Variants in MECOM observed in about 807,000 individuals in gnomAD.
MECOM encodes MDS1 and EVI1 complex locus.
In MECOM, 13 loss-of-function variants were observed where a neutral mutation model predicts 116.3. That is an observed-to-expected ratio of 0.11 (90% CI 0.07 to 0.18). MECOM has a LOEUF of 0.18. Among genes scored for constraint, MECOM ranks in the 10% least tolerant of loss-of-function variants. MECOM has a pLI of 1.00. For synonymous variants in MECOM, 528 were observed against 535.2 expected (o/e 0.99, Z 0.19); for missense variants, 1,299 against 1,509.0 (o/e 0.86, Z 2.31).
intron 2 of MECOM, among the ~76,000 whole-genome samples, chr3:169,303,731 C>G (rs1241499495): frequency 6.6e-6 from 1 of 152,168 alleles, no homozygotes; most frequent in Admixed American, 6.5e-5. Flanking sequence ...ACCATAAATC[C>G]AGTGAATTGG....
intron 1 of MECOM, among the ~76,000 whole-genome samples, chr3:169,593,230 G>A (rs1316126765): frequency 3.3e-5 from 5 of 152,262 alleles, no homozygotes; most frequent in South Asian, 2.1e-4. Context: ...GAAAACAAAC[G>A]CAGAAATGTT....
At chr3:169,285,297 C>G (rs1419951626) in intron 2 of MECOM, among the ~76,000 whole-genome samples, 1 of 152,172 alleles carries the variant, frequency 6.6e-6, no homozygotes, top group Non-Finnish European at 1.5e-5. Context: ...GGCGTTTTGA[C>G]AGTGCCTTTT....
intron 2 of MECOM, among the ~76,000 whole-genome samples, chr3:169,310,045 G>A (rs1283234312): frequency 6.6e-6 from 1 of 152,164 alleles, no homozygotes; most frequent in African/African-American, 2.4e-5. Context: ...TCTGTTCATT[G>A]ACAGACTGTT....
intron 1 of MECOM, among the ~76,000 whole-genome samples, chr3:169,656,250 G>T (rs980315154): frequency 9.9e-5 from 15 of 152,194 alleles, no homozygotes; most frequent in Non-Finnish European, 1.5e-5. Flanking sequence ...TTTAGGAAAT[G>T]TTGGTTCTTT....
intron 1 of MECOM, among the ~76,000 whole-genome samples, chr3:169,390,572 A>T (rs569337339): frequency 6.6e-5 from 10 of 151,414 alleles, no homozygotes; most frequent in African/African-American, 1.7e-4. Context: ...TACTTCCTTT[A>T]AAAAAAAAGT....
intron 2 of MECOM, among the ~76,000 whole-genome samples, chr3:169,265,913 G>A (rs754390920): frequency 1.3e-5 from 2 of 152,130 alleles, no homozygotes; most frequent in Admixed American, 6.6e-5. Flanking sequence ...TCTTTACTCA[G>A]GGGACAGAGT....
At chr3:169,421,690 A>G (rs1739768750) in intron 1 of MECOM, among the ~76,000 whole-genome samples, 1 of 151,814 alleles carries the variant, frequency 6.6e-6, no homozygotes, top group South Asian at 2.1e-4. Flanking sequence ...GTTTTTTTAA[A>G]AAAAAAAAAC....
At chr3:169,256,240 G>A (rs1022382937) in intron 2 of MECOM, among the ~76,000 whole-genome samples, 15 of 151,648 alleles carry the variant, frequency 9.9e-5, no homozygotes, top group African/African-American at 3.6e-4. Context: ...AGTATATACT[G>A]TATAATGTTC....
At chr3:169,559,375 T>A (rs1762398785) in intron 1 of MECOM, among the ~76,000 whole-genome samples, 1 of 152,200 alleles carries the variant, frequency 6.6e-6, no homozygotes, top group Non-Finnish European at 1.5e-5. Flanking sequence ...TATGTGTGTG[T>A]GTATGTATTT....
At chr3:169,365,225 C>G (rs188754915) in intron 2 of MECOM, among the ~76,000 whole-genome samples, 2 of 152,066 alleles carry the variant, frequency 1.3e-5, no homozygotes, top group Non-Finnish European at 1.5e-5. Flanking sequence ...AAGGGATGCT[C>G]TAATTAACAC....
intron 1 of MECOM, among the ~76,000 whole-genome samples, chr3:169,406,041 C>T (rs1736642990): frequency 6.6e-6 from 1 of 152,094 alleles, no homozygotes; most frequent in South Asian, 2.1e-4. Flanking sequence ...TAGGTAACAC[C>T]ACCCATACTT....
chr3:169,476,595 T>C (rs552965758), intron 1 of MECOM, among the ~76,000 whole-genome samples: 10 of 152,132 alleles, frequency 6.6e-5, no homozygotes, highest in Middle Eastern at 6.8e-3. Context: ...GCAGATCGAG[T>C]TTGTTCTTCT....
intron 1 of MECOM, among the ~76,000 whole-genome samples, chr3:169,443,577 C>A (rs750482371): frequency 6.6e-6 from 1 of 152,228 alleles, no homozygotes; most frequent in Non-Finnish European, 1.5e-5. Flanking sequence ...AACCTGTCTT[C>A]TGTTCCCATC....
intron 2 of MECOM, among the ~76,000 whole-genome samples, chr3:169,313,611 C>CT (rs1719198435): frequency 6.6e-6 from 1 of 152,126 alleles, no homozygotes; most frequent in Non-Finnish European, 1.5e-5. Context: ...ATACAGGAGG[C>CT]TTGGTTGATT....
intron 1 of MECOM, among the ~76,000 whole-genome samples, chr3:169,630,212 C>T (rs989971224): frequency 4.6e-5 from 7 of 152,076 alleles, no homozygotes; most frequent in Admixed American, 1.3e-4. Context: ...AGCCAAACCC[C>T]GGAACAATAT....
At chr3:169,560,863 C>T (rs1762557113) in intron 1 of MECOM, among the ~76,000 whole-genome samples, 1 of 151,566 alleles carries the variant, frequency 6.6e-6, no homozygotes, top group Non-Finnish European at 1.5e-5. Flanking sequence ...TTTTGGGTGA[C>T]TTTTTTTTCT....
In MECOM at chr3:169,446,140, T is replaced by C. The variant is rs535763190; in HGVS notation, c.38-64616A>G. 7.2e-5 allele frequency among the ~76,000 whole-genome samples: 11 copies of C among 152,222 alleles called. No individual in the cohort carries two copies. In the East Asian group the frequency reaches 2.1e-3, roughly 29 times the overall value. On this transcript the variant is annotated intron_variant, in intron 1 of 16. Transcript: ENST00000651503. ...TTGGGGGACCATTGAGAAGGCATGA[T>C]TGGTTTTGAAATGTGAGGACATGAG...
chr3:169,244,331 G>A (rs528283439), intron 2 of MECOM, among the ~76,000 whole-genome samples: 1 of 152,214 alleles, frequency 6.6e-6, no homozygotes, highest in East Asian at 1.9e-4. Flanking sequence ...ACATAGCCCC[G>A]AGGCATGGTG....
intron 2 of MECOM, among the ~76,000 whole-genome samples, chr3:169,271,874 A>G (rs896401242): frequency 6.6e-6 from 1 of 152,208 alleles, no homozygotes; most frequent in African/African-American, 2.4e-5. Flanking sequence ...TAACATTCCG[A>G]GACCAGCCAT....
Sources: allele counts gnomAD v4.1 joint callset (sites outside exome capture counted in the v4.1 genomes callset), GRCh38; gene constraint gnomAD v4.1.1; transcripts MANE v1.5; gene names NCBI Gene and HGNC (gene_info 2026-07-23, HGNC 2026-07-21).